The following RBFOX1 variants were observed in gnomAD, a reference collection of about 807,000 sequenced individuals.
RBFOX1 encodes RNA binding protein fox-1 homolog 1.
RBFOX1 carries 8 observed loss-of-function variants against 57.7 expected under a neutral mutation model. The ratio of observed to expected loss-of-function variants is 0.14; its 90% CI spans 0.08 to 0.25. The LOEUF (loss-of-function observed/expected upper bound fraction) is 0.25, where lower values mean the gene tolerates loss of function less well. Ranked by LOEUF, RBFOX1 falls within the 10% of genes least tolerant of loss-of-function variation. The pLI, the probability that RBFOX1 is intolerant of heterozygous loss-of-function variation, is 1.00. For missense variants in RBFOX1, 611 were observed against 548.5 expected, an observed-to-expected ratio of 1.11 and a Z score of -1.14; for synonymous variants, 326 against 222.4, an observed-to-expected ratio of 1.47 and a Z score of -4.15.
chr16:7,703,088 G>A (rs929581630), intron 14 of RBFOX1, among the ~76,000 whole-genome samples: 1 of 150,298 alleles, frequency 6.7e-6, no homozygotes, highest in South Asian at 2.2e-4. Flanking sequence ...GCTCTCTAAA[G>A]AGCATGCTTT....
At position 7,555,584 on chromosome 16, in the gene RBFOX1, G is replaced by A. The variant is rs184501987; in HGVS notation, c.271-24193G>A. 2.0e-3 allele frequency among the ~76,000 whole-genome samples: 298 copies of A among 152,252 alleles called. 1 individual carries two copies. The highest frequency in any genetic ancestry group is 6.2e-3 in the African/African-American group (257 of 41,546). On this transcript the variant is annotated intron_variant, in intron 5 of 15. Transcript: ENST00000550418. ...CTTAGAGCAGACTACAAAGACCTGC[G>A]TGACCTGTTTCTGTGCCCTCGTCAG...
chr16:5,804,640 C>T (rs886453327), intron 3 of RBFOX1, among the ~76,000 whole-genome samples: 1 of 152,096 alleles, frequency 6.6e-6, no homozygotes, highest in Admixed American at 6.5e-5. Context: ...CCTGCTGCAT[C>T]CTCCCTTCCC....
chr16:6,715,272 T>C (rs1157724275), intron 3 of RBFOX1, among the ~76,000 whole-genome samples: 3 of 152,100 alleles, frequency 2.0e-5, no homozygotes, highest in African/African-American at 7.2e-5. Context: ...TAAAGTTTTT[T>C]TTTTTTCTTT....
intron 1 of RBFOX1, among the ~76,000 whole-genome samples, chr16:6,245,286 A>T (rs2097562929): frequency 6.6e-6 from 1 of 152,150 alleles, no homozygotes; most frequent in Middle Eastern, 3.4e-3. Context: ...GTAGGCTTTC[A>T]TTGCTTTAAT....
chr16:6,251,212 C>G (rs1598820156), intron 1 of RBFOX1, among the ~76,000 whole-genome samples: 1 of 152,174 alleles, frequency 6.6e-6, no homozygotes, highest in East Asian at 1.9e-4. Flanking sequence ...CTGTTCTAAA[C>G]ACTGACAAGT....
upstream of RBFOX1, among the ~76,000 whole-genome samples, chr16:6,014,332 T>C (rs1644720852): frequency 1.3e-5 from 2 of 152,102 alleles, no homozygotes; most frequent in African/African-American, 4.8e-5. Context: ...GGAAAAGGAA[T>C]GAGCCCAAGT....
At chr16:6,471,443 C>G (rs928009701) in intron 2 of RBFOX1, among the ~76,000 whole-genome samples, 5 of 152,116 alleles carry the variant, frequency 3.3e-5, no homozygotes, top group African/African-American at 1.2e-4. Context: ...TAAACGTATT[C>G]TACTTTGCAT....
chr16:5,678,380 A>G (rs1379611482), intron 3 of RBFOX1, among the ~76,000 whole-genome samples: 2 of 151,836 alleles, frequency 1.3e-5, no homozygotes, highest in Non-Finnish European at 2.9e-5. Flanking sequence ...CGTCCCAAGA[A>G]CTCCTTTTCT....
At chr16:7,419,854 C>G (rs990301122) in intron 4 of RBFOX1, among the ~76,000 whole-genome samples, 1 of 151,254 alleles carries the variant, frequency 6.6e-6, no homozygotes, top group Non-Finnish European at 1.5e-5. Flanking sequence ...TTTTTCTTTT[C>G]TCCACTAATT....
At chr16:6,712,780 G>A (rs749073399) in intron 3 of RBFOX1, among the ~76,000 whole-genome samples, 5 of 151,510 alleles carry the variant, frequency 3.3e-5, no homozygotes, top group African/African-American at 4.8e-5. Flanking sequence ...CAGTTGATAT[G>A]GTTTGGCTGT....
chr16:5,561,335 G>T (rs1042246093), intron 2 of RBFOX1, among the ~76,000 whole-genome samples: 14 of 152,070 alleles, frequency 9.2e-5, no homozygotes, highest in Admixed American at 4.6e-4. Flanking sequence ...ATAATTAGGT[G>T]TCAGCAAACT....
chr16:5,547,856 G>A (rs117053125), intron 2 of RBFOX1, among the ~76,000 whole-genome samples: 2,592 of 152,064 alleles, frequency 0.017, 38 homozygotes, highest in Non-Finnish European at 0.025. Flanking sequence ...GGGTACACAT[G>A]GACGTAAAGA....
intron 4 of RBFOX1, among the ~76,000 whole-genome samples, chr16:6,009,802 A>ATGTGTGTGTGTCTGTGTGTG (rs1555469408): frequency 3.4e-5 from 2 of 58,562 alleles, no homozygotes; most frequent in African/African-American, 1.8e-4. Flanking sequence ...CAGTGTGTGT[A>ATGTGTGTGTGTCTGTGTGTG]TGTGTGTGTG....
intron 1 of RBFOX1, among the ~76,000 whole-genome samples, chr16:5,409,254 G>C (rs926623991): frequency 6.6e-6 from 1 of 152,158 alleles, no homozygotes; most frequent in African/African-American, 2.4e-5. Flanking sequence ...GTGTGGCTGC[G>C]ATGGACAGTG....
At chr16:5,316,391 C>T (rs1436751700) in intron 1 of RBFOX1, among the ~76,000 whole-genome samples, 1 of 152,182 alleles carries the variant, frequency 6.6e-6, no homozygotes, top group African/African-American at 2.4e-5. Context: ...CAGCACACTG[C>T]CCAGAACATG....
chr16:6,872,756 G>C (rs1234617113), intron 3 of RBFOX1, among the ~76,000 whole-genome samples: 1 of 152,022 alleles, frequency 6.6e-6, no homozygotes, highest in Non-Finnish European at 1.5e-5. Context: ...GGAGTTAAAA[G>C]TGCAAAAAAA....
intron 3 of RBFOX1, among the ~76,000 whole-genome samples, chr16:6,797,179 G>C (rs11645490): frequency 0.053 from 8,034 of 152,224 alleles, 305 homozygotes; most frequent in Middle Eastern, 0.088. Context: ...TGTTAGCAAG[G>C]ATCAGTCTGA....
At chr16:7,280,619 G>A (rs900656568) in intron 4 of RBFOX1, among the ~76,000 whole-genome samples, 2 of 152,144 alleles carry the variant, frequency 1.3e-5, no homozygotes, top group Admixed American at 6.5e-5. Context: ...GGAGAGCTCC[G>A]CACATAAGGA....
intron 2 of RBFOX1, among the ~76,000 whole-genome samples, chr16:6,522,765 T>G (rs1479685131): frequency 6.6e-6 from 1 of 152,204 alleles, no homozygotes; most frequent in Non-Finnish European, 1.5e-5. Context: ...TAACCCATTT[T>G]TATGCCTTCC....
Sources: allele counts gnomAD v4.1 joint callset (sites outside exome capture counted in the v4.1 genomes callset), GRCh38; gene constraint gnomAD v4.1.1; transcripts MANE v1.5; gene names NCBI Gene and HGNC (gene_info 2026-07-23, HGNC 2026-07-21).